SH3RF2: variants seen among roughly 807,000 people sequenced by gnomAD.
The protein encoded by SH3RF2 is E3 ubiquitin-protein ligase SH3RF2.
A neutral mutation model predicts 59.0 loss-of-function variants in SH3RF2; 43 were observed. The observed-to-expected ratio is 0.73, with a 90% CI of 0.57 to 0.94. SH3RF2 has a LOEUF of 0.94. Among genes scored for constraint, SH3RF2 ranks in the 40% least tolerant of loss-of-function variants. SH3RF2 has a pLI of 0.00. For synonymous variants in SH3RF2, 391 were observed against 391.5 expected, an observed-to-expected ratio of 1.00 and a Z score of 0.01; for missense variants, 930 against 940.1, an observed-to-expected ratio of 0.99 and a Z score of 0.14.
downstream of SH3RF2, chr5:146,063,318 A>C (rs542730003): frequency 2.0e-5 from 3 of 152,630 alleles, no homozygotes; most frequent in African/African-American, 7.2e-5. Flanking sequence ...TCCACTTAAG[A>C]AGGTCAGAGA....
downstream of SH3RF2, among the ~76,000 whole-genome samples, chr5:146,068,138 G>A (rs1003381686): frequency 6.6e-6 from 1 of 152,244 alleles, no homozygotes; most frequent in African/African-American, 2.4e-5. Context: ...GCCTTTCTCA[G>A]CTAACATCTT....
intron 5 of SH3RF2, among the ~76,000 whole-genome samples, chr5:146,022,098 T>C (rs1373422571): frequency 1.3e-5 from 2 of 152,228 alleles, no homozygotes; most frequent in Non-Finnish European, 1.5e-5. Flanking sequence ...GTTGAAAGAA[T>C]AGTATAATGA....
In SH3RF2 at chr5:146,049,057, T is replaced by C. The variant is rs1353305326; in HGVS notation, c.1152-18T>C. The C allele has an allele frequency of 1.2e-6, 2 of 1,613,708 alleles. No homozygotes were observed. The highest frequency in any genetic ancestry group is 1.7e-5 in the Admixed American group (1 of 59,992). ...CACGTCTTCCTTCCTCCCTCACCAG[T>C]TCTCTGTGTCTTCCCAGGTTTGTAG... On this transcript the variant is annotated intron_variant, in intron 6 of 9. Coordinates refer to ENST00000359120, the MANE Select transcript of SH3RF2 (RefSeq NM_152550.4).
At chr5:145,937,208 T>C (rs1757622045) in intron 1 of SH3RF2, 1 of 151,860 alleles carries the variant, frequency 6.6e-6, no homozygotes, top group African/African-American at 2.4e-5. Flanking sequence ...GAAACAAAGC[T>C]TCCAAGCACC....
intron 5 of SH3RF2, among the ~76,000 whole-genome samples, chr5:146,025,070 A>G (rs760266821): frequency 1.3e-5 from 2 of 152,234 alleles, no homozygotes; most frequent in Non-Finnish European, 2.9e-5. Flanking sequence ...CAATTCTTCC[A>G]TAATATTGAG....
At chr5:146,037,739 GA>G (rs1325530942) in intron 5 of SH3RF2, among the ~76,000 whole-genome samples, 15 of 152,306 alleles carry the variant, frequency 9.8e-5, no homozygotes, top group African/African-American at 2.9e-4. Flanking sequence ...ATTTACTGGT[GA>G]GTTCTTTCAC....
At chr5:146,074,263 T>G (rs1440925898) in intron 9 of SH3RF2, among the ~76,000 whole-genome samples, 3 of 152,106 alleles carry the variant, frequency 2.0e-5, no homozygotes, top group African/African-American at 7.2e-5. Context: ...TTTTCATTTA[T>G]CAAACATTTT....
At chr5:146,065,633 AG>A (rs1763085319), downstream of SH3RF2, among the ~76,000 whole-genome samples, 1 of 152,182 alleles carries the variant, frequency 6.6e-6, no homozygotes, top group Non-Finnish European at 1.5e-5. Context: ...AACAACTCCA[AG>A]ACTTGCCACC....
At chr5:145,997,520 T>C (rs759673378) in intron 2 of SH3RF2, 86 of 1,604,780 alleles carry the variant, frequency 5.4e-5, no homozygotes, top group Non-Finnish European at 6.9e-5. Context: ...ATCTGAAGAA[T>C]CCTCCTCGAG....
At chr5:145,959,111 A>G (rs1364144193) in intron 2 of SH3RF2, among the ~76,000 whole-genome samples, 2 of 152,206 alleles carry the variant, frequency 1.3e-5, no homozygotes, top group Non-Finnish European at 2.9e-5. Context: ...CATGAAAGGG[A>G]TGAAAAAGGC....
At chr5:145,990,713 A>G (rs1461774762) in intron 2 of SH3RF2, among the ~76,000 whole-genome samples, 2 of 152,230 alleles carry the variant, frequency 1.3e-5, no homozygotes, top group African/African-American at 4.8e-5. Flanking sequence ...ACAAAAGCAT[A>G]GAGTCTTGAG....
intron 5 of SH3RF2, among the ~76,000 whole-genome samples, chr5:146,015,556 A>G (rs1227090948): frequency 6.6e-6 from 1 of 152,252 alleles, no homozygotes; most frequent in Non-Finnish European, 1.5e-5. Flanking sequence ...ATATATAGTC[A>G]TAGATATATA....
chr5:146,060,245 G>A, intron 9 of SH3RF2, 21 bp downstream of exon 9: 1 of 1,572,618 alleles, frequency 6.4e-7, no homozygotes, highest in Non-Finnish European at 8.6e-7. Context: ...AGTGACATTG[G>A]GGGCCCAACT....
chr5:146,056,512 A>G lies in SH3RF2; in HGVS notation c.1555+299A>G, dbSNP rs542004861. ...CACTGGCTCTTATTAAGACACAGTG[A>G]TGAAAGCATTTGCTGGGTCAGTGCT... On this transcript the variant is annotated intron_variant, in intron 8 of 9. Transcript: ENST00000359120. 3.3e-5 allele frequency among the ~76,000 whole-genome samples: 5 copies of G among 152,308 alleles called. No homozygotes were observed. In the South Asian group the frequency reaches 1.0e-3, roughly 32 times the overall value.
At chr5:146,065,963 G>A (rs914863494), downstream of SH3RF2, among the ~76,000 whole-genome samples, 8 of 152,176 alleles carry the variant, frequency 5.3e-5, no homozygotes, top group Non-Finnish European at 8.8e-5. Context: ...GCCCCAACAT[G>A]TTTTTAATAT....
chr5:146,075,073 A>G (rs905909694), intron 9 of SH3RF2, among the ~76,000 whole-genome samples: 11 of 152,270 alleles, frequency 7.2e-5, no homozygotes, highest in Non-Finnish European at 1.5e-4. Flanking sequence ...TAAAGTTTAA[A>G]GAACTCAACT....
intron 3 of SH3RF2, among the ~76,000 whole-genome samples, chr5:146,000,565 GA>G (rs1292108131): frequency 3.3e-5 from 5 of 152,122 alleles, no homozygotes; most frequent in African/African-American, 1.2e-4. Flanking sequence ...AATCTCTAGA[GA>G]AATCTACGAA....
chr5:146,059,400 C>T (rs1422560541), intron 8 of SH3RF2, among the ~76,000 whole-genome samples: 1 of 152,034 alleles, frequency 6.6e-6, no homozygotes. Context: ...CTCCTCCTCT[C>T]TTTCTCCTTT....
intron 2 of SH3RF2, among the ~76,000 whole-genome samples, chr5:145,977,871 C>T (rs1759353918): frequency 1.3e-5 from 2 of 152,178 alleles, no homozygotes; most frequent in African/African-American, 4.8e-5. Context: ...CACAGGCACT[C>T]AGTAAATTTT....
Sources: allele counts gnomAD v4.1 joint callset (sites outside exome capture counted in the v4.1 genomes callset), GRCh38; gene constraint gnomAD v4.1.1; transcripts MANE v1.5; gene names NCBI Gene and HGNC (gene_info 2026-07-23, HGNC 2026-07-21).